TRAPPC9: variants seen among roughly 807,000 people sequenced by gnomAD.
TRAPPC9 encodes the protein IKK2 binding protein.
TRAPPC9 carries 83 observed loss-of-function variants against 124.0 expected under a neutral mutation model. The ratio of observed to expected loss-of-function variants is 0.67; its 90% confidence interval spans 0.56 to 0.80. The LOEUF is 0.80. Among genes scored for constraint, TRAPPC9 ranks in the 30% least tolerant of loss-of-function variants. The pLI is 0.00. For missense variants in TRAPPC9, 1,302 were observed against 1,508.3 expected, an observed-to-expected ratio of 0.86 and a Z score of 2.27; for synonymous variants, 638 against 617.5, an observed-to-expected ratio of 1.03 and a Z score of -0.49.
chr8:140,362,574 T>C (rs1193107322), intron 8 of TRAPPC9, among the ~76,000 whole-genome samples: 2 of 152,150 alleles, frequency 1.3e-5, no homozygotes, highest in Non-Finnish European at 2.9e-5. Context: ...TATATCTTAG[T>C]AGTTTATCTT....
In TRAPPC9 at chr8:139,731,774, G is replaced by C. The variant is rs557802784; in HGVS notation, c.3279+205C>G. ...CTTCACCAACCCTGAGGGCCTCACTGTCCAGGACTGAGAGACAGGTGAGCT... is the reference window on the plus strand; with the variant it reads ...CTTCACCAACCCTGAGGGCCTCACTCTCCAGGACTGAGAGACAGGTGAGCT... On this transcript the variant is annotated intron_variant, in intron 22 of 22. Transcript: ENST00000438773. Among the ~76,000 whole-genome samples the C allele has an allele frequency of 3.7e-4, 57 of 152,294 alleles. No individual in the cohort carries two copies. In the South Asian group the frequency reaches 0.011, roughly 28 times the overall value.
At chr8:139,831,139 A>C (rs1825966406) in intron 21 of TRAPPC9, among the ~76,000 whole-genome samples, 1 of 152,180 alleles carries the variant, frequency 6.6e-6, no homozygotes, top group Non-Finnish European at 1.5e-5. Context: ...CTGGGAATTG[A>C]ACCCAGGGCA....
At chr8:140,177,132 G>T (rs1158292670) in intron 17 of TRAPPC9, among the ~76,000 whole-genome samples, 1 of 152,166 alleles carries the variant, frequency 6.6e-6, no homozygotes, top group African/African-American at 2.4e-5. Flanking sequence ...CTTTTGAAGA[G>T]AAGTTTTTAA....
At chr8:139,869,218 A>T (rs1828737453) in intron 21 of TRAPPC9, among the ~76,000 whole-genome samples, 2 of 152,238 alleles carry the variant, frequency 1.3e-5, no homozygotes, top group Non-Finnish European at 2.9e-5. Flanking sequence ...TAAAAATGTG[A>T]TTCTCAAAGG....
chr8:140,458,277 T>G, upstream of TRAPPC9: 1 of 1,553,476 alleles, frequency 6.4e-7, no homozygotes, highest in South Asian at 1.2e-5. Context: ...TCCCCGCCGC[T>G]TACCAGTCCT....
chr8:140,240,413 A>G (rs1258399031), intron 16 of TRAPPC9, among the ~76,000 whole-genome samples: 2 of 152,046 alleles, frequency 1.3e-5, no homozygotes, highest in Non-Finnish European at 2.9e-5. Flanking sequence ...AGGCTACGGG[A>G]TCTCCCCTAC....
intron 12 of TRAPPC9, among the ~76,000 whole-genome samples, chr8:140,288,682 A>C (rs1488777924): frequency 1.3e-5 from 2 of 152,244 alleles, no homozygotes; most frequent in Non-Finnish European, 2.9e-5. Context: ...TTTCGAGTAC[A>C]TTTAGCAAAG....
At position 139,878,391 on chromosome 8, in the gene TRAPPC9, T is replaced by G. The variant is rs144161602; in HGVS notation, c.3055+7488A>C. On this transcript the variant is annotated intron_variant, in intron 21 of 22. Coordinates refer to ENST00000438773, the MANE Select transcript of TRAPPC9 (RefSeq NM_001160372.4). ...GATAGGGAAAGGCTGTTTTTTTATCTATGTTTTCTGATTGTCTCTCATCTT... is the reference window on the plus strand; with the variant it reads ...GATAGGGAAAGGCTGTTTTTTTATCGATGTTTTCTGATTGTCTCTCATCTT... Among the ~76,000 whole-genome samples the G allele has an allele frequency of 8.6e-4, 131 of 152,358 alleles. 1 individual carries two copies. The highest frequency in any genetic ancestry group is 3.1e-3 in the African/African-American group (129 of 41,596).
chr8:140,003,601 CAA>C (rs58826807), intron 18 of TRAPPC9, among the ~76,000 whole-genome samples: 1,831 of 91,258 alleles, frequency 0.02, 12 homozygotes, highest in African/African-American at 0.054. Flanking sequence ...GACCCTGTCA[CAA>C]AAAAAAAAAA....
chr8:140,008,772 A>G lies in TRAPPC9; in HGVS notation c.2699+15165T>C, dbSNP rs1437790094. On this transcript the variant is annotated intron_variant, in intron 18 of 22. Coordinates refer to ENST00000438773, the MANE Select transcript of TRAPPC9 (RefSeq NM_001160372.4). ...GTTTTTTTAGAAAATTGGAAAGTTG[A>G]TCAGACTTTTAAAATATCACAAAGG... 3.9e-5 allele frequency among the ~76,000 whole-genome samples: 6 copies of G among 152,344 alleles called. 1 individual carries two copies. In the Middle Eastern group the frequency reaches 0.014, roughly 345 times the overall value.
intron 18 of TRAPPC9, among the ~76,000 whole-genome samples, chr8:139,997,570 AACAATGCATCCTACCCAGGGGAG>A (rs1838099758): frequency 1.4e-5 from 2 of 140,724 alleles, no homozygotes. Context: ...TACCCAGGGG[AACAATGCATCCTACCCAGGGGAG>A]ACAATGCATC....
chr8:139,929,151 T>C (rs1192137241), intron 19 of TRAPPC9, among the ~76,000 whole-genome samples: 2 of 152,206 alleles, frequency 1.3e-5, no homozygotes, highest in Non-Finnish European at 2.9e-5. Flanking sequence ...ATGTATTAAT[T>C]AATTAATTAA....
intron 17 of TRAPPC9, among the ~76,000 whole-genome samples, chr8:140,124,234 C>T (rs566054700): frequency 1.1e-4 from 17 of 152,338 alleles, no homozygotes; most frequent in Admixed American, 9.1e-4. Context: ...TCCAGGGCTG[C>T]GTTCCTGGGG....
intron 6 of TRAPPC9, among the ~76,000 whole-genome samples, chr8:140,404,692 G>A (rs1450903405): frequency 1.3e-5 from 2 of 152,090 alleles, no homozygotes; most frequent in African/African-American, 4.8e-5. Context: ...GTGTGTGTAC[G>A]TGCATGTGTG....
intron 11 of TRAPPC9, among the ~76,000 whole-genome samples, chr8:140,297,655 C>A (rs2065848029): frequency 1.3e-5 from 2 of 152,252 alleles, no homozygotes; most frequent in South Asian, 4.1e-4. Flanking sequence ...GTCTGAGCCT[C>A]CAGAGGGCTT....
In TRAPPC9 at chr8:140,426,898, A is replaced by G. The variant is rs1259357007; in HGVS notation, c.860-257T>C. ...TGCCTCCTCACCTCTCTGCCTTCCC[A>G]CTTTCTATGTTCATGCTCCCAGTTC... On this transcript the variant is annotated intron_variant, in intron 4 of 22. Transcript: ENST00000438773. 2.0e-5 allele frequency among the ~76,000 whole-genome samples: 3 copies of G among 150,260 alleles called. No individual in the cohort carries two copies. In the East Asian group the frequency reaches 5.8e-4, roughly 29 times the overall value.
intron 13 of TRAPPC9, among the ~76,000 whole-genome samples, chr8:140,284,324 TCATCCC>T (rs2065423724): frequency 6.6e-6 from 1 of 152,250 alleles, no homozygotes; most frequent in Non-Finnish European, 1.5e-5. Context: ...AATCAGTATC[TCATCCC>T]TTTACTCATT....
chr8:140,406,386 C>T (rs947414006), intron 5 of TRAPPC9, among the ~76,000 whole-genome samples: 2 of 152,210 alleles, frequency 1.3e-5, no homozygotes, highest in African/African-American at 4.8e-5. Context: ...TTCTATGAAA[C>T]CACTTGTTTA....
At chr8:140,283,605 T>G (rs1183832078) in intron 14 of TRAPPC9, among the ~76,000 whole-genome samples, 1 of 152,058 alleles carries the variant, frequency 6.6e-6, no homozygotes, top group Non-Finnish European at 1.5e-5. Flanking sequence ...CAAAATTCCC[T>G]ATGTTTTTAA....
Sources: gnomAD v4.1 joint callset for allele counts (sites outside exome capture counted in the v4.1 genomes callset) on GRCh38, gnomAD v4.1.1 for gene constraint, MANE v1.5 for transcripts, NCBI Gene and HGNC (gene_info 2026-07-23, HGNC 2026-07-21) for gene names.